DMD: variants seen among roughly 807,000 people sequenced by gnomAD.
DMD encodes the protein mutant dystrophin.
DMD carries 63 observed loss-of-function variants against 330.1 expected under a neutral mutation model. The ratio of observed to expected loss-of-function variants is 0.19; its 90% CI spans 0.16 to 0.24. DMD has a LOEUF of 0.24. Among genes scored for constraint, DMD ranks in the 10% least tolerant of loss-of-function variants. DMD has a pLI of 1.00. For missense variants in DMD, 3,344 were observed against 2,684.1 expected (o/e 1.25, Z -5.43); for synonymous variants, 1,223 against 959.8 (o/e 1.27, Z -5.07).
At chrX:31,753,966 A>G (rs780440479) in intron 51 of DMD, among the ~76,000 whole-genome samples, 3 of 111,456 alleles carry the variant, frequency 2.7e-5, no homozygotes, top group Non-Finnish European at 5.7e-5. Context: ...TAAAAACACA[A>G]TGAGATTGTT....
At chrX:31,558,173 T>TA (rs1286345187) in intron 55 of DMD, among the ~76,000 whole-genome samples, 2 of 112,187 alleles carry the variant, frequency 1.8e-5, no homozygotes, top group Non-Finnish European at 3.8e-5. Context: ...ATATGAATAA[T>TA]ACACATTATA....
At chrX:31,749,354 T>C (rs1276639041) in intron 51 of DMD, among the ~76,000 whole-genome samples, 3 of 93,210 alleles carry the variant, frequency 3.2e-5, no homozygotes, top group Non-Finnish European at 6.3e-5. Context: ...CCATGTGTTC[T>C]CATTGTTCAA....
At chrX:32,403,959 G>T (rs1047389237) in intron 30 of DMD, among the ~76,000 whole-genome samples, 1 of 111,555 alleles carries the variant, frequency 9.0e-6, no homozygotes, top group African/African-American at 3.2e-5. Flanking sequence ...AAGTCGTTTG[G>T]CAATCAAATA....
At chrX:32,121,144 C>T (rs1202080636) in intron 44 of DMD, among the ~76,000 whole-genome samples, 1 of 112,033 alleles carries the variant, frequency 8.9e-6, no homozygotes, top group Non-Finnish European at 1.9e-5. Context: ...AAAACGTTTG[C>T]TCCTTCCAAT....
chrX:32,509,366 T>C (rs774513395), intron 18 of DMD, among the ~76,000 whole-genome samples: 36 of 110,720 alleles, frequency 3.3e-4, no homozygotes, highest in African/African-American at 1.1e-3. Flanking sequence ...CACAGAAATA[T>C]ACATTAAAAA....
intron 44 of DMD, among the ~76,000 whole-genome samples, chrX:32,090,947 A>G (rs187024270): frequency 9.7e-4 from 108 of 111,850 alleles, no homozygotes; most frequent in African/African-American, 3.2e-3. Context: ...GCAAGAGAAA[A>G]GCATGCTCTG....
chrX:31,612,546 G>T (rs956661280), intron 55 of DMD, among the ~76,000 whole-genome samples: 4 of 111,747 alleles, frequency 3.6e-5, no homozygotes, highest in Admixed American at 9.5e-5. Context: ...AGAGACAGGA[G>T]GAGAAGAGAA....
At chrX:31,588,047 C>T (rs147402774) in intron 55 of DMD, among the ~76,000 whole-genome samples, 545 of 111,581 alleles carry the variant, frequency 4.9e-3, no homozygotes, top group Non-Finnish European at 6.5e-3. Flanking sequence ...AAGGGTAAAA[C>T]GGTCATCTGC....
At chrX:31,315,058 G>T (rs1176714511) in intron 62 of DMD, among the ~76,000 whole-genome samples, 3 of 112,103 alleles carry the variant, frequency 2.7e-5, no homozygotes, top group Non-Finnish European at 5.6e-5. Context: ...AAGGGAACAG[G>T]ATGCTGCTTC....
intron 34 of DMD, among the ~76,000 whole-genome samples, chrX:32,375,369 C>T (rs914432014): frequency 1.2e-4 from 14 of 112,313 alleles, no homozygotes; most frequent in Admixed American, 9.5e-5. Context: ...CTTAGGCAAA[C>T]CGAATGAACA....
intron 7 of DMD, among the ~76,000 whole-genome samples, chrX:32,749,838 A>G (rs1234660555): frequency 8.9e-6 from 1 of 112,217 alleles, no homozygotes; most frequent in African/African-American, 3.3e-5. Context: ...TATTGAATCA[A>G]TAGTGAGAAT....
intron 1 of DMD, among the ~76,000 whole-genome samples, chrX:33,105,037 T>C (rs963533141): frequency 1.8e-5 from 2 of 112,219 alleles, no homozygotes; most frequent in Non-Finnish European, 3.8e-5. Context: ...TCTTAAAGGT[T>C]TATCCATAGT....
At chrX:31,727,218 A>G (rs900243282) in intron 52 of DMD, among the ~76,000 whole-genome samples, 1 of 112,235 alleles carries the variant, frequency 8.9e-6, no homozygotes, top group African/African-American at 3.2e-5. Context: ...CAGGCAAGAA[A>G]CTGATCACTT....
intron 1 of DMD, among the ~76,000 whole-genome samples, chrX:33,140,940 G>A (rs185715597): frequency 1.0e-3 from 117 of 111,718 alleles, no homozygotes; most frequent in African/African-American, 3.4e-3. Context: ...TGATATATAC[G>A]TGTGTGTATA....
chrX:32,299,706 T>C (rs2148526038), intron 42 of DMD, among the ~76,000 whole-genome samples: 1 of 111,005 alleles, frequency 9.0e-6, no homozygotes, highest in Admixed American at 9.6e-5. Context: ...GACCTCCGTT[T>C]CTCCATCTGA....
chrX:31,725,955 C>G (rs1257993002), intron 52 of DMD, among the ~76,000 whole-genome samples: 2 of 112,350 alleles, frequency 1.8e-5, no homozygotes, highest in Non-Finnish European at 3.8e-5. Context: ...TCAGACGCCT[C>G]CAAGGAAGAA....
intron 16 of DMD, among the ~76,000 whole-genome samples, chrX:32,551,439 C>G (rs1365239373): frequency 1.8e-5 from 2 of 111,446 alleles, no homozygotes; most frequent in Non-Finnish European, 3.8e-5. Context: ...ATTCAACACC[C>G]TTTCATGTTA....
chrX:32,802,658 G>A (rs909945969), intron 7 of DMD, among the ~76,000 whole-genome samples: 1 of 111,520 alleles, frequency 9.0e-6, no homozygotes. Flanking sequence ...TCAATACCTA[G>A]TTTATTGAAA....
intron 18 of DMD, among the ~76,000 whole-genome samples, chrX:32,504,497 G>A (rs2044411597): frequency 9.1e-6 from 1 of 109,811 alleles, no homozygotes; most frequent in African/African-American, 3.3e-5. Context: ...CATGGTGGCA[G>A]GCACCTATAA....
Sources: gnomAD v4.1 joint callset for allele counts (sites outside exome capture counted in the v4.1 genomes callset) on GRCh38, gnomAD v4.1.1 for gene constraint, MANE v1.5 for transcripts, NCBI Gene and HGNC (gene_info 2026-07-23, HGNC 2026-07-21) for gene names.